Variants in RPIA observed in about 807,000 individuals in gnomAD.
RPIA encodes ribose 5-phosphate isomerase A, also known as ribose-5-phosphate isomerase.
Under a neutral mutation model 37.8 loss-of-function variants are expected in RPIA, and 29 were observed. The ratio of observed to expected loss-of-function variants is 0.77; its 90% CI spans 0.57 to 1.05. The LOEUF (loss-of-function observed/expected upper bound fraction) is 1.05. Ranked by LOEUF, RPIA falls within the 50% of genes least tolerant of loss-of-function variation. The pLI, the probability that RPIA is intolerant of heterozygous loss-of-function variation, is 0.00. For missense variants in RPIA, 385 were observed against 413.6 expected, an observed-to-expected ratio of 0.93 and a Z score of 0.60; for synonymous variants, 167 against 157.0, an observed-to-expected ratio of 1.06 and a Z score of -0.48.
rs553702989 is a variant in RPIA, at chr2:88,720,693, A to G, written c.403-8585A>G. On this transcript the variant is annotated intron_variant, in intron 3 of 8. Transcript: ENST00000283646. ...CCATCTCACACTGGTTAGAATGGCT[A>G]TCATTAAAAAGTCAGGAAACAACAG... Among the ~76,000 whole-genome samples the G allele has an allele frequency of 3.9e-5, 6 of 151,944 alleles. No individual in the cohort carries two copies. In the East Asian group the frequency reaches 7.7e-4, roughly 20 times the overall value.
At chr2:88,724,437 G>A (rs1673172593) in intron 3 of RPIA, among the ~76,000 whole-genome samples, 1 of 152,030 alleles carries the variant, frequency 6.6e-6, no homozygotes, top group Non-Finnish European at 1.5e-5. Context: ...CTCCCTAGTA[G>A]ATGGGATTAC....
At position 88,729,439 on chromosome 2, in the gene RPIA, G is replaced by T. The variant is rs566953511; in HGVS notation, c.462+102G>T. On this transcript the variant is annotated intron_variant, in intron 4 of 8. Coordinates refer to ENST00000283646, the MANE Select transcript of RPIA (RefSeq NM_144563.3). ...CAGATATCTTGTAAAATCTAGGGAA[G>T]ATGTCAGTTAGTTGTACCAAGTTTT... 12 of 1,199,206 alleles carry T rather than the reference G, an allele frequency of 1.0e-5. No homozygotes were observed. In the Admixed American group the frequency reaches 1.5e-4, roughly 15 times the overall value. 74.3% of individuals were successfully genotyped at this position (1,199,206 alleles called of 1,614,324 possible). A position where few individuals can be genotyped will look rare whatever the true frequency, so the allele number is the denominator to read the frequency against.
chr2:88,722,411 A>G (rs533596409), intron 3 of RPIA, among the ~76,000 whole-genome samples: 3 of 152,316 alleles, frequency 2.0e-5, no homozygotes, highest in Non-Finnish European at 4.4e-5. Context: ...TTATCCCATT[A>G]CATTTACTTA....
chr2:88,733,537 C>T (rs1573475488), intron 4 of RPIA, among the ~76,000 whole-genome samples: 1 of 152,120 alleles, frequency 6.6e-6, no homozygotes, highest in Admixed American at 6.5e-5. Flanking sequence ...AAAAGGTTGC[C>T]ACTTTCCATA....
At chr2:88,694,335 C>T (rs777040162) in intron 1 of RPIA, among the ~76,000 whole-genome samples, 8 of 152,170 alleles carry the variant, frequency 5.3e-5, no homozygotes, top group African/African-American at 9.7e-5. Context: ...AGGCAAAGAA[C>T]GAGCCTTATA....
intron 1 of RPIA, among the ~76,000 whole-genome samples, chr2:88,697,998 G>GT (rs1220229426): frequency 5.9e-5 from 9 of 151,500 alleles, no homozygotes; most frequent in African/African-American, 2.2e-4. Flanking sequence ...AGGCTCTATT[G>GT]TTTTTTCTTA....
intron 8 of RPIA, 123 bp from the exon 9 acceptor site, chr2:88,749,858 C>G (rs746600776): frequency 2.9e-6 from 2 of 691,352 alleles, no homozygotes; most frequent in Non-Finnish European, 5.3e-6. Flanking sequence ...GAGAAAAAGG[C>G]TTTAGATTTG....
intron 8 of RPIA, among the ~76,000 whole-genome samples, chr2:88,743,233 G>T (rs1573479795): frequency 6.6e-6 from 1 of 152,086 alleles, no homozygotes; most frequent in Non-Finnish European, 1.5e-5. Context: ...TTTTGCTGAG[G>T]GTTTTAATAA....
intron 3 of RPIA, among the ~76,000 whole-genome samples, chr2:88,721,295 C>T (rs890252031): frequency 7.9e-5 from 12 of 151,502 alleles, no homozygotes; most frequent in African/African-American, 1.7e-4. Context: ...AGCAAACCAC[C>T]GTGGCATGTA....
intron 3 of RPIA, among the ~76,000 whole-genome samples, chr2:88,722,619 G>GT (rs1282374615): frequency 1.3e-5 from 2 of 152,166 alleles, no homozygotes; most frequent in African/African-American, 4.8e-5. Flanking sequence ...AAACAAAGAC[G>GT]TAACAGTCCT....
chr2:88,702,131 G>A (rs1672840077), intron 3 of RPIA, among the ~76,000 whole-genome samples: 2 of 152,126 alleles, frequency 1.3e-5, no homozygotes, highest in Non-Finnish European at 2.9e-5. Context: ...ATTTTCTGCT[G>A]GGAGTACAAT....
At chr2:88,704,962 A>G (rs1210245654) in intron 3 of RPIA, among the ~76,000 whole-genome samples, 2 of 152,204 alleles carry the variant, frequency 1.3e-5, no homozygotes, top group Non-Finnish European at 2.9e-5. Flanking sequence ...ATGAACTCTC[A>G]TTCACAATTG....
At chr2:88,703,206 C>T (rs1157792343) in intron 3 of RPIA, among the ~76,000 whole-genome samples, 1 of 152,168 alleles carries the variant, frequency 6.6e-6, no homozygotes, top group Non-Finnish European at 1.5e-5. Flanking sequence ...ATGGTGCAAG[C>T]TGTCAGTGGA....
intron 3 of RPIA, among the ~76,000 whole-genome samples, chr2:88,704,756 A>G (rs1285925371): frequency 6.6e-6 from 1 of 152,226 alleles, no homozygotes; most frequent in Non-Finnish European, 1.5e-5. Flanking sequence ...GGGTATTCAC[A>G]TAGGAAGAGA....
Position 88,742,910 on chromosome 2 carries a change from A to T in RPIA, c.838+4834A>T, listed in dbSNP as rs1248538593. 2.0e-5 allele frequency among the ~76,000 whole-genome samples: 3 copies of T among 152,148 alleles called. No homozygotes were observed. In the East Asian group the frequency reaches 5.8e-4, roughly 29 times the overall value. ...ATTGATTTTTGTATCCTGAAACTTT[A>T]CGGAATTCATTTATCAGATCTAAGA... On this transcript the variant is annotated intron_variant, in intron 8 of 8. Transcript: ENST00000283646.
intron 3 of RPIA, among the ~76,000 whole-genome samples, chr2:88,724,115 C>T (rs748605913): frequency 6.6e-6 from 1 of 152,032 alleles, no homozygotes; most frequent in Non-Finnish European, 1.5e-5. Flanking sequence ...GTTTTATTTT[C>T]CTTTCACAGT....
intron 3 of RPIA, among the ~76,000 whole-genome samples, chr2:88,706,754 A>G (rs1034196324): frequency 6.6e-6 from 1 of 152,208 alleles, no homozygotes; most frequent in Non-Finnish European, 1.5e-5. Flanking sequence ...CAGGATTCCA[A>G]ACATTTTGGG....
chr2:88,702,413 A>G (rs916865006), intron 3 of RPIA, among the ~76,000 whole-genome samples: 1 of 136,444 alleles, frequency 7.3e-6, no homozygotes, highest in African/African-American at 3.2e-5. Flanking sequence ...AATGAGGTTT[A>G]ATTGGACTTA....
intron 5 of RPIA, among the ~76,000 whole-genome samples, 188 bp downstream of exon 5, chr2:88,734,804 A>G (rs141832664): frequency 1.3e-5 from 2 of 152,294 alleles, no homozygotes; most frequent in Non-Finnish European, 1.5e-5. Context: ...TTTACTGACA[A>G]GGAACCTGGG....
Sources: allele counts gnomAD v4.1 joint callset (sites outside exome capture counted in the v4.1 genomes callset), GRCh38; gene constraint gnomAD v4.1.1; transcripts MANE v1.5; gene names NCBI Gene and HGNC (gene_info 2026-07-23, HGNC 2026-07-21).